Variants in TBCE observed in about 807,000 individuals in gnomAD.
TBCE encodes tubulin-specific chaperone E.
TBCE carries 53 observed loss-of-function variants against 77.0 expected under a neutral mutation model. The observed-to-expected ratio is 0.69, with a 90% CI of 0.55 to 0.87. The LOEUF is 0.87. Among genes scored for constraint, TBCE ranks in the 40% least tolerant of loss-of-function variants. The pLI is 0.00. For missense variants in TBCE, 624 were observed against 622.4 expected, an observed-to-expected ratio of 1.00 and a Z score of -0.03; for synonymous variants, 235 against 241.3, an observed-to-expected ratio of 0.97 and a Z score of 0.24.
intron 1 of TBCE, among the ~76,000 whole-genome samples, chr1:235,377,994 A>C (rs372627453): frequency 6.6e-6 from 1 of 152,076 alleles, no homozygotes; most frequent in South Asian, 2.1e-4. Context: ...AAAGGTGGAG[A>C]GGTAATAATA....
At chr1:235,422,542 C>T (rs765578009) in intron 5 of TBCE, among the ~76,000 whole-genome samples, 2 of 147,852 alleles carry the variant, frequency 1.4e-5, no homozygotes, top group African/African-American at 5.0e-5. Context: ...AAACAAAAAA[C>T]GGGGGGGCCA....
rs1197208062 is a variant in TBCE, at chr1:235,381,977, A to T, written c.100+1828A>T. Among the ~76,000 whole-genome samples the T allele has an allele frequency of 9.7e-4, 88 of 90,322 alleles. 1 individual carries two copies. The highest frequency in any genetic ancestry group is 3.9e-4 in the East Asian group (1 of 2,560). The allele number at this position is 90,322 out of a possible 152,430, so 59.3% of individuals were successfully genotyped here. ...TATCCCTCCCCCCTCCCCCCACCCC[A>T]CAACAGTCCTCAGAGTGTGATGTTC... On this transcript the variant is annotated intron_variant, in intron 2 of 16. Transcript: ENST00000642610.
In TBCE at chr1:235,449,317, T is replaced by A. The variant is rs907300162; in HGVS notation, c.*555T>A. 3 of 142,876 alleles carry A rather than the reference T, an allele frequency of 2.1e-5. No homozygotes were observed. Among genetic ancestry groups the A allele is most frequent in the African/African-American group, 9.4e-5 (3 of 31,998 alleles). 8.9% of individuals were successfully genotyped at this position (142,876 alleles called of 1,614,324 possible). Reference sequence around the variant, plus strand: ...CAATTATACCTAAGCTGAGTATATCTTCTTCTGTGATAACCAGCTTTGATT... The same window carrying A: ...CAATTATACCTAAGCTGAGTATATCATCTTCTGTGATAACCAGCTTTGATT... On this transcript the variant is annotated 3_prime_UTR_variant, in exon 17 of 17. Transcript: ENST00000642610.
In TBCE at chr1:235,369,379, T is replaced by C. The variant is rs189090389; in HGVS notation, c.-32+1875T>C. Among the ~76,000 whole-genome samples, 21 of 151,468 alleles carry C rather than the reference T, an allele frequency of 1.4e-4. No homozygotes were observed. In the East Asian group the frequency reaches 3.9e-3, roughly 28 times the overall value. Reference sequence around the variant, plus strand: ...AAAATTAGCCGGGCGTGGTGGTGCGTGCCTGTAATCTCAGCTACTCAGGAG... The same window carrying C: ...AAAATTAGCCGGGCGTGGTGGTGCGCGCCTGTAATCTCAGCTACTCAGGAG... On this transcript the variant is annotated intron_variant, in intron 1 of 16. Coordinates refer to ENST00000642610, the MANE Select transcript of TBCE (RefSeq NM_003193.5).
chr1:235,389,384 A>G (rs1678233580), intron 2 of TBCE, among the ~76,000 whole-genome samples: 1 of 152,072 alleles, frequency 6.6e-6, no homozygotes, highest in Non-Finnish European at 1.5e-5. Flanking sequence ...CTGGAGTGCA[A>G]TGGCACAATC....
rs1439713869 is a variant in TBCE at position 235,437,435 on chromosome 1, C to T, written c.1077C>T (p.Ile359=). 12 of 1,614,006 alleles carry T rather than the reference C, an allele frequency of 7.4e-6. No homozygotes were observed. The highest frequency in any genetic ancestry group is 1.3e-5 in the African/African-American group (1 of 74,920). The change falls in exon 12 of 17, where the codon ATC becomes ATT. Residue 359 remains isoleucine, a synonymous_variant. Coordinates refer to ENST00000642610, the MANE Select transcript of TBCE (RefSeq NM_003193.5). ...CAGAGACGGCGCGACTACTCATTATCGCCAGCATTGGCCAGCTGAAGACGC... is the reference window on the plus strand; with the variant it reads ...CAGAGACGGCGCGACTACTCATTATTGCCAGCATTGGCCAGCTGAAGACGC... ...KEAETARLLI[I]ASIGQLKTLN...
intron 12 of TBCE, among the ~76,000 whole-genome samples, chr1:235,438,024 G>C (rs1342752082): frequency 6.6e-6 from 1 of 152,088 alleles, no homozygotes; most frequent in East Asian, 1.9e-4. Context: ...TGTTTTCAGG[G>C]AATGTAGGCA....
intron 7 of TBCE, 103 bp from the exon 8 acceptor site, chr1:235,434,101 C>A: frequency 9.7e-7 from 1 of 1,029,632 alleles, no homozygotes; most frequent in Non-Finnish European, 1.5e-6. Context: ...CACTTGTTTG[C>A]TGAAACAGTA....
At chr1:235,443,544 G>A (rs760162152) in intron 15 of TBCE, among the ~76,000 whole-genome samples, 1 of 152,174 alleles carries the variant, frequency 6.6e-6, no homozygotes, top group Admixed American at 6.6e-5. Flanking sequence ...GACCTTGAAT[G>A]GCATAGCCTT....
At chr1:235,396,324 C>T (rs1030730894) in intron 2 of TBCE, among the ~76,000 whole-genome samples, 2 of 152,284 alleles carry the variant, frequency 1.3e-5, no homozygotes, top group Middle Eastern at 3.4e-3. Flanking sequence ...TCCCAAAGTG[C>T]TGGGATTACA....
At chr1:235,406,851 T>G (rs34907001) in intron 3 of TBCE, among the ~76,000 whole-genome samples, 2 of 107,770 alleles carry the variant, frequency 1.9e-5, no homozygotes, top group African/African-American at 7.3e-5. Context: ...TTTTTTTTTT[T>G]GAGACGGAGT....
At chr1:235,439,297 C>G (rs1440680390) in intron 13 of TBCE, among the ~76,000 whole-genome samples, 5 of 148,878 alleles carry the variant, frequency 3.4e-5, no homozygotes, top group African/African-American at 1.3e-4. Context: ...CGAGACCATC[C>G]TAGCTAACAC....
chr1:235,446,920 A>G (rs1342314855), intron 15 of TBCE, among the ~76,000 whole-genome samples: 1 of 151,948 alleles, frequency 6.6e-6, no homozygotes, highest in African/African-American at 2.4e-5. Context: ...CTGGGCTCTG[A>G]TCCCTCTGCC....
intron 15 of TBCE, among the ~76,000 whole-genome samples, chr1:235,443,193 T>TACACAC (rs386370047): frequency 8.7e-5 from 13 of 150,086 alleles, no homozygotes; most frequent in African/African-American, 2.9e-4. Context: ...CACATATATA[T>TACACAC]ATACACACAC....
chr1:235,416,175 A>AG (rs1444997760), intron 4 of TBCE: 8 of 148,058 alleles, frequency 5.4e-5, no homozygotes, highest in African/African-American at 2.0e-4. Flanking sequence ...TCTCAAAAAA[A>AG]AAAAAAAAAA....
intron 10 of TBCE, 27 bp from the exon 11 acceptor site, chr1:235,436,517 T>C (rs1248929563): frequency 3.7e-6 from 6 of 1,612,882 alleles, no homozygotes; most frequent in Non-Finnish European, 4.2e-6. Context: ...TCACTTCTAC[T>C]GTGTAACTTC....
intron 3 of TBCE, among the ~76,000 whole-genome samples, chr1:235,408,832 T>G (rs1679612627): frequency 1.3e-5 from 2 of 152,156 alleles, no homozygotes; most frequent in South Asian, 4.2e-4. Flanking sequence ...TATTAGAAAC[T>G]CCCCAGAGAC....
intron 5 of TBCE, among the ~76,000 whole-genome samples, chr1:235,422,098 A>AG (rs1289250860): frequency 1.3e-5 from 2 of 152,238 alleles, no homozygotes; most frequent in African/African-American, 4.8e-5. Context: ...TTTCAAAAGT[A>AG]GGCAGCTGGA....
At chr1:235,430,355 G>A (rs1014601642) in intron 6 of TBCE, 43 of 230,282 alleles carry the variant, frequency 1.9e-4, no homozygotes, top group African/African-American at 7.2e-4. Flanking sequence ...TCTGGAGAAC[G>A]GGACTTTGTT....
Sources: gnomAD v4.1 joint callset for allele counts (sites outside exome capture counted in the v4.1 genomes callset) on GRCh38, gnomAD v4.1.1 for gene constraint, MANE v1.5 for transcripts, NCBI Gene and HGNC (gene_info 2026-07-23, HGNC 2026-07-21) for gene names.